SLFN12L: variants seen among roughly 807,000 people sequenced by gnomAD.
The protein encoded by SLFN12L is schlafen family member 12 like.
A neutral mutation model predicts 34.8 loss-of-function variants in SLFN12L; 34 were observed. The ratio of observed to expected loss-of-function variants is 0.98; its 90% confidence interval spans 0.74 to 1.30. SLFN12L has a LOEUF of 1.30. SLFN12L is among the 50% of genes most tolerant of loss of function. The probability of loss-of-function intolerance (pLI) is 0.00; values close to 1 mark genes in which losing one functional copy is unlikely to be tolerated. For missense variants in SLFN12L, 703 were observed against 696.2 expected (o/e 1.01, Z -0.11); for synonymous variants, 259 against 247.5 (o/e 1.05, Z -0.44).
intron 1 of SLFN12L, among the ~76,000 whole-genome samples, chr17:35,529,510 C>T (rs2072370102): frequency 6.6e-6 from 1 of 152,192 alleles, no homozygotes; most frequent in Non-Finnish European, 1.5e-5. Context: ...GAATACTATG[C>T]AGCCATTAAA....
chr17:35,484,541 G>A (rs1446299189), intron 2 of SLFN12L, among the ~76,000 whole-genome samples: 1 of 152,130 alleles, frequency 6.6e-6, no homozygotes, highest in Non-Finnish European at 1.5e-5. Flanking sequence ...CTGGCAGGGT[G>A]CCCCAGACTG....
chr17:35,510,437 A>C (rs1386208484), intron 2 of SLFN12L, among the ~76,000 whole-genome samples: 2 of 152,272 alleles, frequency 1.3e-5, no homozygotes, highest in Non-Finnish European at 2.9e-5. Context: ...GAAATGAAGC[A>C]CTGATGCAGG....
At chr17:35,509,344 C>T (rs914537270) in intron 2 of SLFN12L, among the ~76,000 whole-genome samples, 2 of 152,218 alleles carry the variant, frequency 1.3e-5, no homozygotes, top group Non-Finnish European at 2.9e-5. Context: ...TTCTGGCTTT[C>T]CACCATTGTT....
At chr17:35,532,602 C>G (rs1189265773) in intron 1 of SLFN12L, among the ~76,000 whole-genome samples, 2 of 151,904 alleles carry the variant, frequency 1.3e-5, no homozygotes. Flanking sequence ...TTTAAAACTT[C>G]AAAATCAGGC....
chr17:35,497,534 C>T (rs1915134131), intron 2 of SLFN12L, among the ~76,000 whole-genome samples: 1 of 152,192 alleles, frequency 6.6e-6, no homozygotes, highest in Non-Finnish European at 1.5e-5. Flanking sequence ...AGACTGCATG[C>T]TAATATTCAT....
intron 2 of SLFN12L, among the ~76,000 whole-genome samples, chr17:35,517,327 A>G (rs1282976644): frequency 2.0e-5 from 3 of 152,240 alleles, no homozygotes; most frequent in African/African-American, 7.2e-5. Context: ...TAAAATACCT[A>G]GGAATACAAC....
intron 2 of SLFN12L, chr17:35,499,286 A>G: frequency 1.3e-6 from 1 of 758,974 alleles, no homozygotes. Context: ...TCCTCATCAT[A>G]TAGCTAAAGC....
At chr17:35,507,828 T>A (rs1370746312) in intron 2 of SLFN12L, among the ~76,000 whole-genome samples, 2 of 152,220 alleles carry the variant, frequency 1.3e-5, no homozygotes, top group Non-Finnish European at 2.9e-5. Flanking sequence ...TCACTATCGA[T>A]CTGTCTTACA....
At position 35,522,979 on chromosome 17, in the gene SLFN12L, A is replaced by T. The variant is rs1916043764; in HGVS notation, c.-605-10T>A. ...AAATATCCTGGTAGCACTAGATGTGAAAAGAATGAGAAATTAGGGGAAGGA... is the reference window on the plus strand; with the variant it reads ...AAATATCCTGGTAGCACTAGATGTGTAAAGAATGAGAAATTAGGGGAAGGA... On this transcript the variant is annotated splice_polypyrimidine_tract_variant and intron_variant, in intron 1 of 4. Coordinates refer to ENST00000628453, the MANE Select transcript of SLFN12L (RefSeq NM_001363830.2). The T allele has an allele frequency of 6.2e-6, 3 of 481,256 alleles. No individual in the cohort carries two copies. The highest frequency in any genetic ancestry group is 3.9e-5 in the African/African-American group (2 of 51,342). The allele number at this position is 481,256 out of a possible 1,614,324, so 29.8% of individuals were successfully genotyped here. A position where few individuals can be genotyped will look rare whatever the true frequency, so the allele number is the denominator to read the frequency against.
At chr17:35,509,446 G>A (rs1003924948) in intron 2 of SLFN12L, among the ~76,000 whole-genome samples, 1 of 152,130 alleles carries the variant, frequency 6.6e-6, no homozygotes, top group Non-Finnish European at 1.5e-5. Flanking sequence ...AGATTCTTCT[G>A]TTCTGTTGTT....
At position 35,471,255 on chromosome 17, in the gene SLFN12L, G is replaced by A. The variant is rs1447642387; in HGVS notation, c.*3668C>T. Among the ~76,000 whole-genome samples the A allele has an allele frequency of 1.3e-5, 2 of 151,512 alleles. No homozygotes were observed. Among genetic ancestry groups the A allele is most frequent in the Non-Finnish European group, 2.9e-5 (2 of 67,966 alleles). ...GGGTTCAAGCAATTTTCATGTCTCA[G>A]CCTCCCAAGTAGCTGGGATTACAGA... is the stretch of plus-strand genomic sequence containing the variant. On this transcript the variant is annotated 3_prime_UTR_variant, in exon 5 of 5. Coordinates refer to ENST00000628453, the MANE Select transcript of SLFN12L (RefSeq NM_001363830.2).
chr17:35,523,607 C>T (rs181030680), intron 1 of SLFN12L, among the ~76,000 whole-genome samples: 1 of 152,134 alleles, frequency 6.6e-6, no homozygotes, highest in Non-Finnish European at 1.5e-5. Flanking sequence ...GGAACAATTA[C>T]GTGACATGAG....
In SLFN12L at chr17:35,479,637, T is replaced by A. The variant is rs1302093474; in HGVS notation, c.645A>T (p.Glu215Asp). The A allele has an allele frequency of 6.2e-7, 1 of 1,611,144 alleles. No individual in the cohort carries two copies. Among genetic ancestry groups the A allele is most frequent in the African/African-American group, 1.3e-5 (1 of 74,940 alleles). ...PAKRACVDVQ[E>D]ESNMEALAAD... is the part of the protein sequence containing the mutation. ...CAGCCAAGGCTTCCATGTTACTTTC[T>A]TCTTGTACATCAACACAGGCCCTTT... The change falls in exon 3 of 5, where the codon GAA (glutamate) becomes GAT (aspartate). Residue 215 changes from glutamate (E) to aspartate (D), a missense_variant. Physicochemically the swap from Glu to Asp is conservative, Grantham distance 45. Transcript: ENST00000628453.
At position 35,522,547 on chromosome 17, in the gene SLFN12L, G is replaced by A; in HGVS notation, c.-183C>T. On this transcript the variant is annotated 5_prime_UTR_variant, in exon 2 of 5. Transcript: ENST00000628453. ...CCGAGCAAGACAATCACGAGGGACT[G>A]CAGCAGGGCTTCCAATGTGCTGGGT... 6.2e-7 allele frequency: 1 copy of A among 1,610,998 alleles called. No individual in the cohort carries two copies.
At chr17:35,498,547 G>C (rs1043955468) in intron 2 of SLFN12L, 1 of 1,384,912 alleles carries the variant, frequency 7.2e-7, no homozygotes, top group Non-Finnish European at 1.0e-6. Flanking sequence ...GTCCAGAACA[G>C]TCCAAAAAGT....
In SLFN12L at chr17:35,479,821, A is replaced by G. The variant is rs772538319; in HGVS notation, c.461T>C (p.Leu154Ser). The change falls in exon 3 of 5, where the codon TTG becomes TCG. Residue 154 changes from leucine (L) to serine (S), a missense_variant. By Grantham distance (145) the Leu-to-Ser change is moderately radical (BLOSUM62 -2). Transcript: ENST00000628453. ...GGCAATCTGCGGACCAGAGGTTTCC[A>G]AGCTCCATGATTTCACAAAAATGTG... ...YFHIFVKSWS[L>S]ETSGPQIATL... The G allele has an allele frequency of 1.2e-6, 2 of 1,608,706 alleles. No homozygotes were observed. Among genetic ancestry groups the G allele is most frequent in the Non-Finnish European group, 1.7e-6 (2 of 1,177,394 alleles).
At chr17:35,525,575 A>G (rs574831960) in intron 1 of SLFN12L, among the ~76,000 whole-genome samples, 2 of 152,246 alleles carry the variant, frequency 1.3e-5, no homozygotes, top group Non-Finnish European at 2.9e-5. Flanking sequence ...TAAAGAAAAG[A>G]ATCGTCAACC....
At position 35,522,689 on chromosome 17, in the gene SLFN12L, T is replaced by A; in HGVS notation, c.-325A>T. ...TTGGCCCTGACACACACCTCCCCAG[T>A]GTAGCCCCCCATGTTCACCAGCTTC... On this transcript the variant is annotated 5_prime_UTR_variant, in exon 2 of 5. Coordinates refer to ENST00000628453, the MANE Select transcript of SLFN12L (RefSeq NM_001363830.2). 1 of 1,614,082 alleles carries A rather than the reference T, an allele frequency of 6.2e-7. No individual in the cohort carries two copies. Among genetic ancestry groups the A allele is most frequent in the Non-Finnish European group, 8.5e-7 (1 of 1,179,982 alleles).
chr17:35,476,454 C>CAAGGAAGGAAGGAAGGAAGGAAGGAAGG (rs59968985), intron 4 of SLFN12L, among the ~76,000 whole-genome samples: 2 of 105,550 alleles, frequency 1.9e-5, no homozygotes, highest in African/African-American at 3.6e-5. Context: ...GAAAAGAAAG[C>CAAGGAAGGAAGGAAGGAAGGAAGGAAGG]AAGGAAGGAA....
Sources: gnomAD v4.1 joint callset for allele counts (sites outside exome capture counted in the v4.1 genomes callset) on GRCh38, gnomAD v4.1.1 for gene constraint, MANE v1.5 for transcripts, NCBI Gene and HGNC (gene_info 2026-07-23, HGNC 2026-07-21) for gene names.